Variants in TRIM56 observed in about 807,000 individuals in gnomAD.
TRIM56 encodes the protein E3 ubiquitin-protein ligase TRIM56.
Under a neutral mutation model 17.1 loss-of-function variants are expected in TRIM56, and 10 were observed. The observed-to-expected ratio is 0.58, with a 90% CI of 0.36 to 0.99. TRIM56 has a LOEUF of 0.99. Ranked by LOEUF, TRIM56 falls within the 50% of genes least tolerant of loss-of-function variation. The pLI, the probability that TRIM56 is intolerant of heterozygous loss-of-function variation, is 0.01. For synonymous variants in TRIM56, 503 were observed against 473.5 expected (o/e 1.06, Z -0.81); for missense variants, 923 against 1,052.3 (o/e 0.88, Z 1.70).
rs1562840864 is a variant in TRIM56 at position 101,092,780 on chromosome 7, GCCC to G, written c.*3202_*3204del. ...GGTGGGGGGTCGCCTCTGCCCGGCCGCCCCGTCTGGGAGGTGAGGAGCCCCTCT... is the reference window on the plus strand; with the variant it reads ...GGTGGGGGGTCGCCTCTGCCCGGCCGCGTCTGGGAGGTGAGGAGCCCCTCT... On this transcript the variant is annotated 3_prime_UTR_variant, in exon 3 of 3. Coordinates refer to ENST00000306085, the MANE Select transcript of TRIM56 (RefSeq NM_030961.3). The G allele has an allele frequency of 1.2e-5, 2 of 160,020 alleles. No homozygotes were observed. Among genetic ancestry groups the G allele is most frequent in the Non-Finnish European group, 2.6e-5 (2 of 76,350 alleles). The allele number at this position is 160,020 out of a possible 1,614,324, so 9.9% of individuals were successfully genotyped here. A position where few individuals can be genotyped will look rare whatever the true frequency, so the allele number is the denominator to read the frequency against.
Position 101,096,619 on chromosome 7 carries a change from A to C in TRIM56, c.*7039A>C, listed in dbSNP as rs915071134. On this transcript the variant is annotated 3_prime_UTR_variant, in exon 3 of 3. Coordinates refer to ENST00000306085, the MANE Select transcript of TRIM56 (RefSeq NM_030961.3). The stretch of plus-strand genomic sequence containing the variant: ...AGAAATGTAGAGAAGTATTTCGGAC[A>C]CCATAAAGCTCAAATACAAGGTGTT... 2.0e-5 allele frequency: 3 copies of C among 152,214 alleles called. No individual in the cohort carries two copies. Among genetic ancestry groups the C allele is most frequent in the African/African-American group, 7.2e-5 (3 of 41,432 alleles). The allele number at this position is 152,214 out of a possible 1,614,324, so 9.4% of individuals were successfully genotyped here. A position where few individuals can be genotyped will look rare whatever the true frequency, so the allele number is the denominator to read the frequency against.
In TRIM56 at chr7:101,089,200, G is replaced by C; in HGVS notation, c.1888G>C (p.Ala630Pro). 1 of 1,613,648 alleles carries C rather than the reference G, an allele frequency of 6.2e-7. No homozygotes were observed. The change falls in exon 3 of 3, where the codon GCC becomes CCC. Residue 630 changes from alanine to proline, a missense_variant. Around this residue, in one of 3 missense-constraint regions of TRIM56, gnomAD observed 182 missense variants for 243.1 expected, o/e 0.75. Coordinates refer to ENST00000306085, the MANE Select transcript of TRIM56 (RefSeq NM_030961.3). ...LATRFIPGGKASRGLRALVFL... is the reference protein window; with the variant it reads ...LATRFIPGGKPSRGLRALVFL... ...CACCCGGTTCATTCCTGGAGGCAAG[G>C]CCAGCCGGGGCCTGCGGGCGCTGGT...
Position 101,091,832 on chromosome 7 carries a change from T to C in TRIM56, c.*2252T>C. The C allele has an allele frequency of 2.5e-6, 1 of 402,584 alleles. No individual in the cohort carries two copies. Among genetic ancestry groups the C allele is most frequent in the Admixed American group, 3.0e-5 (1 of 33,212 alleles). 24.9% of individuals were successfully genotyped at this position (402,584 alleles called of 1,614,324 possible). ...TTCCATGGTCACGGTCTCCCTCTGA[T>C]GCCGAGCCGAAGCTGGACTGTACTG... On this transcript the variant is annotated 3_prime_UTR_variant, in exon 3 of 3. Coordinates refer to ENST00000306085, the MANE Select transcript of TRIM56 (RefSeq NM_030961.3).
chr7:101,085,753 C>T (rs996239304), intron 1 of TRIM56, among the ~76,000 whole-genome samples, 182 bp downstream of exon 1: 12 of 152,034 alleles, frequency 7.9e-5, no homozygotes, highest in African/African-American at 2.7e-4. Context: ...CGCTCCGTGG[C>T]CACAGGTCCC....
At position 101,095,985 on chromosome 7, in the gene TRIM56, C is replaced by A. The variant is rs911969919; in HGVS notation, c.*6405C>A. The A allele has an allele frequency of 5.9e-5, 9 of 152,182 alleles. No individual in the cohort carries two copies. Among genetic ancestry groups the A allele is most frequent in the Non-Finnish European group, 1.2e-4 (8 of 68,032 alleles). The allele number at this position is 152,182 out of a possible 1,614,324, so 9.4% of individuals were successfully genotyped here. A position where few individuals can be genotyped will look rare whatever the true frequency, so the allele number is the denominator to read the frequency against. ...GGTGGATGACCTGAGGTCAGGAGTT[C>A]GAGACCAGCCTAGCCAACATGGTGA... is the stretch of plus-strand genomic sequence containing the variant. On this transcript the variant is annotated 3_prime_UTR_variant, in exon 3 of 3. Coordinates refer to ENST00000306085, the MANE Select transcript of TRIM56 (RefSeq NM_030961.3).
rs1562840360 is a variant in TRIM56, at chr7:101,091,992, G to A, written c.*2412G>A. 1 of 310,334 alleles carries A rather than the reference G, an allele frequency of 3.2e-6. No individual in the cohort carries two copies. Among genetic ancestry groups the A allele is most frequent in the Non-Finnish European group, 6.3e-6 (1 of 158,064 alleles). 19.2% of individuals were successfully genotyped at this position (310,334 alleles called of 1,614,324 possible). A position where few individuals can be genotyped will look rare whatever the true frequency, so the allele number is the denominator to read the frequency against. On this transcript the variant is annotated 3_prime_UTR_variant, in exon 3 of 3. Coordinates refer to ENST00000306085, the MANE Select transcript of TRIM56 (RefSeq NM_030961.3). The stretch of plus-strand genomic sequence containing the variant: ...TTTGGTGGAGACGGGGTTTCACTGT[G>A]TTGGCCGGGCTGGTCTCCAGCTCCT...
In TRIM56 at chr7:101,089,278, A is replaced by T. The variant is rs1222531141; in HGVS notation, c.1966A>T (p.Asn656Tyr). The T allele has an allele frequency of 1.9e-6, 3 of 1,609,878 alleles. No individual in the cohort carries two copies. The highest frequency in any genetic ancestry group is 2.7e-5 in the African/African-American group (2 of 74,882). The part of the protein sequence containing the change: ...GHFVGSDWQQ[N>Y]SVVICDGLGQ... ...TTTCGTGGGGTCGGACTGGCAGCAG[A>T]ATAGTGTGGTAATCTGTGATGGGCT... Residue 656 changes from asparagine to tyrosine, a missense_variant, in exon 3 of 3, where the codon AAT becomes TAT. By Grantham distance (143) the Asn-to-Tyr change is moderately radical (BLOSUM62 -2). This residue lies in a region of TRIM56 where 182 missense variants were observed against 243.1 expected (regional missense o/e 0.75). Coordinates refer to ENST00000306085, the MANE Select transcript of TRIM56 (RefSeq NM_030961.3).
chr7:101,089,830 T>G lies in TRIM56; in HGVS notation c.*250T>G. ...GGGGGATGCTGGGAGTTCACCTGCC[T>G]CTTGCTTTTTGTGGGTGGCTGCTGC... On this transcript the variant is annotated 3_prime_UTR_variant, in exon 3 of 3. Coordinates refer to ENST00000306085, the MANE Select transcript of TRIM56 (RefSeq NM_030961.3). The G allele has an allele frequency of 2.2e-6, 1 of 450,240 alleles. No individual in the cohort carries two copies. Among genetic ancestry groups the G allele is most frequent in the Non-Finnish European group, 4.1e-6 (1 of 243,800 alleles). The allele number at this position is 450,240 out of a possible 1,614,324, so 27.9% of individuals were successfully genotyped here. A position where few individuals can be genotyped will look rare whatever the true frequency, so the allele number is the denominator to read the frequency against.
rs1795560951 is a variant in TRIM56 at position 101,091,312 on chromosome 7, T to A, written c.*1732T>A. The stretch of plus-strand genomic sequence containing the variant: ...ATAGGTAGAGGGAAAAGAAAATCCC[T>A]TTCTGGGAAAACCATTTCTTGTTTA... On this transcript the variant is annotated 3_prime_UTR_variant, in exon 3 of 3. Transcript: ENST00000306085. The A allele has an allele frequency of 6.2e-6, 1 of 160,540 alleles. No homozygotes were observed. Among genetic ancestry groups the A allele is most frequent in the Non-Finnish European group, 1.4e-5 (1 of 72,972 alleles). 9.9% of individuals were successfully genotyped at this position (160,540 alleles called of 1,614,324 possible).
chr7:101,087,280 C>T, intron 2 of TRIM56, 32 bp from the exon 3 acceptor site: 1 of 1,585,152 alleles, frequency 6.3e-7, no homozygotes, highest in African/African-American at 1.3e-5. Context: ...AAGGTGCCTT[C>T]TCAACTCTGA....
chr7:101,088,002 G>A lies in TRIM56; in HGVS notation c.690G>A (p.Leu230=). The A allele has an allele frequency of 1.3e-6, 2 of 1,583,836 alleles. No individual in the cohort carries two copies. The highest frequency in any genetic ancestry group is 1.7e-6 in the Non-Finnish European group (2 of 1,171,870). ...GTGTGGACAATAACCTGGTGGAGCT[G>A]GAGGCAGCGCGGAGGGTGGAGAAGG... is the stretch of plus-strand genomic sequence containing the variant. ...LAGVDNNLVE[L]EAARRVEKEA... is the part of the protein sequence containing the mutation. The change falls in exon 3 of 3, where the codon CTG becomes CTA. Residue 230 remains leucine, a synonymous_variant. Coordinates refer to ENST00000306085, the MANE Select transcript of TRIM56 (RefSeq NM_030961.3).
At chr7:101,086,376 T>C (rs948882717) in intron 1 of TRIM56, among the ~76,000 whole-genome samples, 1 of 151,858 alleles carries the variant, frequency 6.6e-6, no homozygotes, top group Non-Finnish European at 1.5e-5. Flanking sequence ...GCCTGGCCAA[T>C]AGGGCCAAAC....
chr7:101,087,072 T>TGGAGGAGGA lies in TRIM56; in HGVS notation c.-90_-82dup. ...CGTTTGCTGGATGTACACACGGAAG[T>TGGAGGAGGA]GGAGGAGGAGGAGGAGAAGGAGGAG... is the stretch of plus-strand genomic sequence containing the variant. On this transcript the variant is annotated 5_prime_UTR_variant, in exon 2 of 3. Coordinates refer to ENST00000306085, the MANE Select transcript of TRIM56 (RefSeq NM_030961.3). 1.9e-6 allele frequency: 1 copy of TGGAGGAGGA among 538,612 alleles called. No homozygotes were observed. Among genetic ancestry groups the TGGAGGAGGA allele is most frequent in the Admixed American group, 3.3e-5 (1 of 29,984 alleles). 33.4% of individuals were successfully genotyped at this position (538,612 alleles called of 1,614,324 possible). A position where few individuals can be genotyped will look rare whatever the true frequency, so the allele number is the denominator to read the frequency against.
In TRIM56 at chr7:101,088,868, G is replaced by A. The variant is rs771145684; in HGVS notation, c.1556G>A (p.Arg519Gln). ...ACCGGGCTCTGTCCCTTCGGTCCCC[G>A]GGAGATCCTGGTGGCGGATGAGCAG... ...RITGLCPFGPREILVADEQNR... is the reference protein window; with the variant it reads ...RITGLCPFGPQEILVADEQNR... Residue 519 changes from arginine to glutamine, a missense_variant, in exon 3 of 3, where the codon CGG (arginine) becomes CAG (glutamine). Physicochemically the swap from Arg to Gln is conservative, Grantham distance 43. Transcript: ENST00000306085. 3.7e-6 allele frequency: 6 copies of A among 1,613,730 alleles called. No homozygotes were observed. The highest frequency in any genetic ancestry group is 3.3e-5 in the Admixed American group (2 of 60,004).
In TRIM56 at chr7:101,087,039, C is replaced by T. The variant is rs1285914606; in HGVS notation, c.-131C>T. On this transcript the variant is annotated 5_prime_UTR_variant, in exon 2 of 3. Coordinates refer to ENST00000306085, the MANE Select transcript of TRIM56 (RefSeq NM_030961.3). Reference sequence around the variant, plus strand: ...GGTCTGACCCAACAAGTAGCACTGACATTTTTACGTTTGCTGGATGTACAC... The same window carrying T: ...GGTCTGACCCAACAAGTAGCACTGATATTTTTACGTTTGCTGGATGTACAC... The T allele has an allele frequency of 8.3e-6, 4 of 480,518 alleles. No homozygotes were observed. The highest frequency in any genetic ancestry group is 1.5e-5 in the Non-Finnish European group (4 of 267,608). 29.8% of individuals were successfully genotyped at this position (480,518 alleles called of 1,614,324 possible). A position where few individuals can be genotyped will look rare whatever the true frequency, so the allele number is the denominator to read the frequency against.
rs755379492 is a variant in TRIM56, at chr7:101,087,486, G to A, written c.174G>A (p.Glu58=). 1.2e-6 allele frequency: 2 copies of A among 1,613,572 alleles called. No homozygotes were observed. The highest frequency in any genetic ancestry group is 1.1e-5 in the South Asian group (1 of 91,054). ...LADGGRVRCP[E]CRETVPVPPE... Reference sequence around the variant, plus strand: ...ATGGCGGCCGCGTCCGCTGCCCCGAGTGCCGCGAGACAGTGCCTGTGCCGC... The same window carrying A: ...ATGGCGGCCGCGTCCGCTGCCCCGAATGCCGCGAGACAGTGCCTGTGCCGC... The change falls in exon 3 of 3, where the codon GAG becomes GAA. Residue 58 remains glutamate (E), a synonymous_variant. Coordinates refer to ENST00000306085, the MANE Select transcript of TRIM56 (RefSeq NM_030961.3).
rs1490324431 is a variant in TRIM56, at chr7:101,089,594, A to T, written c.*14A>T. ...CCGGACAGTTAAAGGGGCTAGGACT[A>T]GGGTGAGAGGGAGTGGGGAGGGAGA... On this transcript the variant is annotated 3_prime_UTR_variant, in exon 3 of 3. Transcript: ENST00000306085. 6.3e-7 allele frequency: 1 copy of T among 1,597,480 alleles called. No individual in the cohort carries two copies. Among genetic ancestry groups the T allele is most frequent in the Admixed American group, 1.7e-5 (1 of 58,932 alleles).
Position 101,091,521 on chromosome 7 carries a change from G to T in TRIM56, c.*1941G>T. 3.2e-6 allele frequency: 1 copy of T among 312,742 alleles called. No individual in the cohort carries two copies. Among genetic ancestry groups the T allele is most frequent in the South Asian group, 2.4e-5 (1 of 41,830 alleles). The allele number at this position is 312,742 out of a possible 1,614,324, so 19.4% of individuals were successfully genotyped here. On this transcript the variant is annotated 3_prime_UTR_variant, in exon 3 of 3. Coordinates refer to ENST00000306085, the MANE Select transcript of TRIM56 (RefSeq NM_030961.3). ...GTGGGTGGATCACTCAAGGTCAGGA[G>T]TTCGAGACCAGCCTGGCCAACATGG...
In TRIM56 at chr7:101,090,933, G is replaced by C. The variant is rs1426590243; in HGVS notation, c.*1353G>C. The C allele has an allele frequency of 6.6e-6, 1 of 152,196 alleles. No individual in the cohort carries two copies. Among genetic ancestry groups the C allele is most frequent in the African/African-American group, 2.4e-5 (1 of 41,438 alleles). The allele number at this position is 152,196 out of a possible 1,614,324, so 9.4% of individuals were successfully genotyped here. A position where few individuals can be genotyped will look rare whatever the true frequency, so the allele number is the denominator to read the frequency against. On this transcript the variant is annotated 3_prime_UTR_variant, in exon 3 of 3. Transcript: ENST00000306085. ...GTTGGCCTTCACTCGGCTGAACTAG[G>C]GGGTGAAGGAAGGTTGTCCTCTGTG...
Sources: allele counts gnomAD v4.1 joint callset (sites outside exome capture counted in the v4.1 genomes callset), GRCh38; gene constraint gnomAD v4.1.1; regional missense constraint gnomAD v4.1.1; transcripts MANE v1.5; gene names NCBI Gene and HGNC (gene_info 2026-07-23, HGNC 2026-07-21).